Variants in ZPBP observed in about 807,000 individuals in gnomAD.
ZPBP encodes the protein zona pellucida-binding protein 1.
A neutral mutation model predicts 44.8 loss-of-function variants in ZPBP; 26 were observed. The observed-to-expected ratio is 0.58, with a 90% CI of 0.43 to 0.81. The LOEUF is 0.81. ZPBP is among the 30% of genes least tolerant of loss of function. ZPBP has a pLI of 0.00. For missense variants in ZPBP, 409 were observed against 434.0 expected (o/e 0.94, Z 0.51); for synonymous variants, 174 against 153.2 (o/e 1.14, Z -1.00).
chr7:49,853,428 C>T (rs1280486127), intron 2 of ZPBP, among the ~76,000 whole-genome samples: 4 of 152,210 alleles, frequency 2.6e-5, no homozygotes, highest in Non-Finnish European at 5.9e-5. Flanking sequence ...GTGCCAGGAG[C>T]TCTGCTGGGC....
chr7:49,932,340 G>A (rs1188365659), intron 1 of ZPBP, among the ~76,000 whole-genome samples: 1 of 152,250 alleles, frequency 6.6e-6, no homozygotes, highest in African/African-American at 2.4e-5. Flanking sequence ...CAAAGCCACA[G>A]GGGTGGAGCT....
At chr7:49,931,964 C>G (rs1158961025) in intron 1 of ZPBP, among the ~76,000 whole-genome samples, 1 of 152,228 alleles carries the variant, frequency 6.6e-6, no homozygotes, top group Admixed American at 6.5e-5. Context: ...AGGGAAGAAG[C>G]CCCAAGCCTT....
intron 1 of ZPBP, among the ~76,000 whole-genome samples, chr7:49,908,403 G>A (rs1267335897): frequency 2.6e-5 from 4 of 152,104 alleles, no homozygotes. Flanking sequence ...AGTGTAAAAT[G>A]AGACATATAA....
At chr7:49,851,571 TG>T (rs1790179299) in intron 2 of ZPBP, among the ~76,000 whole-genome samples, 2 of 152,296 alleles carry the variant, frequency 1.3e-5, no homozygotes, top group African/African-American at 4.8e-5. Context: ...ATAAAAAGTC[TG>T]CTACAGGCCA....
At chr7:49,934,961 T>C (rs577640120), downstream of ZPBP, among the ~76,000 whole-genome samples, 1 of 152,272 alleles carries the variant, frequency 6.6e-6, no homozygotes, top group South Asian at 2.1e-4. Context: ...TTAAGCATTA[T>C]ATAAAAGGTA....
chr7:49,912,016 C>T, intron 1 of ZPBP: 2 of 1,606,546 alleles, frequency 1.2e-6, no homozygotes, highest in Non-Finnish European at 1.7e-6. Context: ...TAGTATAAAA[C>T]ATTTTTCTGC....
intron 2 of ZPBP, among the ~76,000 whole-genome samples, chr7:49,896,927 C>T (rs1478849086): frequency 2.1e-5 from 3 of 142,034 alleles, no homozygotes; most frequent in Non-Finnish European, 3.0e-5. Flanking sequence ...CTCGCTCTGT[C>T]GCCCAGGCCG....
intron 7 of ZPBP, among the ~76,000 whole-genome samples, chr7:49,961,578 T>A (rs149612298): frequency 1.3e-5 from 2 of 152,220 alleles, no homozygotes; most frequent in African/African-American, 2.4e-5. Flanking sequence ...AATTTCAACA[T>A]GTATAGTTAA....
At chr7:49,880,545 T>C (rs1791617470) in intron 2 of ZPBP, among the ~76,000 whole-genome samples, 1 of 151,658 alleles carries the variant, frequency 6.6e-6, no homozygotes, top group African/African-American at 2.4e-5. Flanking sequence ...CATCAATTTT[T>C]ATAAATTGTG....
intron 4 of ZPBP, among the ~76,000 whole-genome samples, chr7:50,051,966 A>T (rs189290205): frequency 6.6e-6 from 1 of 151,498 alleles, no homozygotes; most frequent in Non-Finnish European, 1.5e-5. Flanking sequence ...AATGAAAATA[A>T]TTTTTTTTTA....
At chr7:49,913,032 T>A (rs752540469) in intron 1 of ZPBP, 1 of 152,312 alleles carries the variant, frequency 6.6e-6, no homozygotes, top group East Asian at 1.9e-4. Flanking sequence ...TCGATTCTCC[T>A]AGGATAGTTA....
intron 2 of ZPBP, among the ~76,000 whole-genome samples, chr7:49,872,395 A>G (rs1345395687): frequency 2.0e-5 from 3 of 152,202 alleles, no homozygotes; most frequent in African/African-American, 4.8e-5. Flanking sequence ...GGGTTTACAC[A>G]GAAAAAATTA....
intron 7 of ZPBP, among the ~76,000 whole-genome samples, chr7:49,957,746 C>T (rs1210710253): frequency 1.3e-5 from 2 of 152,108 alleles, no homozygotes; most frequent in Admixed American, 6.5e-5. Flanking sequence ...TGGTAATGCC[C>T]TGCAGAATTG....
intron 4 of ZPBP, among the ~76,000 whole-genome samples, chr7:50,053,243 A>C (rs1005364460): frequency 7.2e-5 from 11 of 152,208 alleles, no homozygotes; most frequent in Admixed American, 5.9e-4. Context: ...ATCTACATTT[A>C]TCTCAAAACA....
intron 7 of ZPBP, among the ~76,000 whole-genome samples, chr7:49,977,430 T>C (rs1270629218): frequency 6.6e-6 from 1 of 152,200 alleles, no homozygotes; most frequent in Non-Finnish European, 1.5e-5. Context: ...ATAAATTTAT[T>C]GACTCTGAAA....
downstream of ZPBP, among the ~76,000 whole-genome samples, chr7:49,848,054 G>A (rs1363863896): frequency 2.6e-5 from 4 of 152,180 alleles, no homozygotes; most frequent in Admixed American, 2.0e-4. Flanking sequence ...GTGGGAAGTC[G>A]GAAGCTTCTA....
intron 2 of ZPBP, among the ~76,000 whole-genome samples, chr7:49,893,051 T>G: frequency 6.6e-6 from 1 of 152,238 alleles, no homozygotes; most frequent in East Asian, 1.9e-4. Flanking sequence ...ATATGAACTT[T>G]GGGAAATATT....
chr7:49,927,511 A>T (rs1794285250), intron 1 of ZPBP, among the ~76,000 whole-genome samples: 1 of 152,144 alleles, frequency 6.6e-6, no homozygotes, highest in African/African-American at 2.4e-5. Context: ...GTCATATTGG[A>T]AGGGAGAGTT....
Position 49,877,481 on chromosome 7 carries a change from A to AAAAAAATATACATAT in ZPBP, n.509+23636_509+23637insATATGTATATTTTTT. Among the ~76,000 whole-genome samples the AAAAAAATATACATAT allele has an allele frequency of 5.7e-3, 72 of 12,730 alleles. 20 individuals carry two copies. Among genetic ancestry groups the AAAAAAATATACATAT allele is most frequent in the Non-Finnish European group, 7.9e-3 (55 of 6,950 alleles). 8.4% of individuals were successfully genotyped at this position (12,730 alleles called of 152,430 possible). ...CTGTCTCAAAAAAAAAAAAAAAAAA[A>AAAAAAATATACATAT]ATATATATATATATATATATATATA... On this transcript the variant is annotated intron_variant and non_coding_transcript_variant, in intron 2 of 2. Transcript: ENST00000465922.
Sources: allele counts gnomAD v4.1 joint callset (sites outside exome capture counted in the v4.1 genomes callset), GRCh38; gene constraint gnomAD v4.1.1; transcripts MANE v1.5; gene names NCBI Gene and HGNC (gene_info 2026-07-23, HGNC 2026-07-21).